Variants in RIMS1 observed in about 807,000 individuals in gnomAD.
RIMS1 encodes the protein regulating synaptic membrane exocytosis 1, also known as regulating synaptic membrane exocytosis protein 1.
A neutral mutation model predicts 214.1 loss-of-function variants in RIMS1; 83 were observed. That is an observed-to-expected ratio of 0.39 (90% CI 0.32 to 0.47). The LOEUF (loss-of-function observed/expected upper bound fraction) is 0.47, where lower values mean the gene tolerates loss of function less well. Among genes scored for constraint, RIMS1 ranks in the 20% least tolerant of loss-of-function variants. The pLI is 0.99. For missense variants in RIMS1, 2,050 were observed against 2,161.8 expected (o/e 0.95, Z 1.03); for synonymous variants, 793 against 786.8 (o/e 1.01, Z -0.13).
At chr6:72,015,287 A>G (rs192942049) in intron 2 of RIMS1, among the ~76,000 whole-genome samples, 77 of 152,334 alleles carry the variant, frequency 5.1e-4, no homozygotes, top group African/African-American at 1.8e-3. Flanking sequence ...GTTGGTGCTC[A>G]AAAAGTTTTT....
At chr6:72,126,152 T>A (rs2039466492) in intron 4 of RIMS1, among the ~76,000 whole-genome samples, 1 of 106,730 alleles carries the variant, frequency 9.4e-6, no homozygotes, top group African/African-American at 3.6e-5. Context: ...TAATAAAGCA[T>A]ACAAGAACAA....
chr6:71,890,570 TAAAAAAAAA>T (rs3076604), intron 1 of RIMS1, among the ~76,000 whole-genome samples: 2 of 81,528 alleles, frequency 2.5e-5, no homozygotes, highest in East Asian at 3.7e-4. Context: ...CTCCTTTTTG[TAAAAAAAAA>T]AAAAAAAAAA....
intron 2 of RIMS1, among the ~76,000 whole-genome samples, chr6:72,066,627 T>A (rs1829366996): frequency 6.6e-6 from 1 of 152,206 alleles, no homozygotes; most frequent in Admixed American, 6.5e-5. Flanking sequence ...ACTGAGATAA[T>A]AATAGTTTTT....
chr6:72,232,837 A>G (rs2062519590), intron 6 of RIMS1, among the ~76,000 whole-genome samples: 1 of 151,804 alleles, frequency 6.6e-6, no homozygotes, highest in Non-Finnish European at 1.5e-5. Context: ...TGTCATGTAC[A>G]TACAATTCTT....
At chr6:72,251,114 C>T (rs200917659) in intron 14 of RIMS1, 22 bp downstream of exon 14, 9 of 1,564,152 alleles carry the variant, frequency 5.8e-6, no homozygotes, top group Non-Finnish European at 7.8e-6. Context: ...TTTAAAAACT[C>T]AAGTCAAATA....
At chr6:71,971,965 C>A (rs1245342476) in intron 2 of RIMS1, among the ~76,000 whole-genome samples, 1 of 152,010 alleles carries the variant, frequency 6.6e-6, no homozygotes, top group Non-Finnish European at 1.5e-5. Flanking sequence ...GTTATCCAAG[C>A]ATATATATCT....
At chr6:72,096,283 A>G (rs2031643783) in intron 2 of RIMS1, among the ~76,000 whole-genome samples, 1 of 152,196 alleles carries the variant, frequency 6.6e-6, no homozygotes, top group South Asian at 2.1e-4. Context: ...TGTGAACTGC[A>G]AGAACTAGGA....
At chr6:72,243,368 T>C (rs1023878439) in intron 10 of RIMS1, among the ~76,000 whole-genome samples, 2 of 151,662 alleles carry the variant, frequency 1.3e-5, no homozygotes, top group African/African-American at 2.4e-5. Flanking sequence ...ATAATATTAA[T>C]ATATAAAACT....
chr6:72,265,826 T>A, intron 21 of RIMS1, 134 bp from the exon 22 acceptor site: 1 of 653,512 alleles, frequency 1.5e-6, no homozygotes, highest in Non-Finnish European at 2.6e-6. Context: ...CACACCCTTA[T>A]GAACTGAATC....
chr6:72,189,873 A>T (rs556188859), intron 6 of RIMS1, among the ~76,000 whole-genome samples: 1 of 152,302 alleles, frequency 6.6e-6, no homozygotes, highest in East Asian at 1.9e-4. Context: ...TTTTCTGTGG[A>T]GGTCACCTGT....
At chr6:72,078,956 T>C (rs1312577200) in intron 2 of RIMS1, among the ~76,000 whole-genome samples, 1 of 152,118 alleles carries the variant, frequency 6.6e-6, no homozygotes, top group African/African-American at 2.4e-5. Context: ...GGAAGTTAAC[T>C]TTATCACATC....
chr6:71,909,416 A>C (rs1287842923), intron 1 of RIMS1, among the ~76,000 whole-genome samples: 1 of 152,054 alleles, frequency 6.6e-6, no homozygotes, highest in Non-Finnish European at 1.5e-5. Flanking sequence ...ATGCATTTTG[A>C]CATATATGAA....
At chr6:72,312,218 GT>G (rs1405027968) in intron 27 of RIMS1, among the ~76,000 whole-genome samples, 2 of 151,924 alleles carry the variant, frequency 1.3e-5, no homozygotes. Context: ...TTTTCTACAG[GT>G]TTAATAAACA....
At chr6:72,033,459 G>A (rs185544752) in intron 2 of RIMS1, among the ~76,000 whole-genome samples, 1 of 152,148 alleles carries the variant, frequency 6.6e-6, no homozygotes, top group East Asian at 1.9e-4. Context: ...AAATTTCAGT[G>A]GTCATCTCTT....
At chr6:72,161,350 T>C (rs1477767013) in intron 4 of RIMS1, among the ~76,000 whole-genome samples, 1 of 140,412 alleles carries the variant, frequency 7.1e-6, no homozygotes, top group African/African-American at 2.5e-5. Context: ...CCTGGATTCA[T>C]TGATTTTTTT....
chr6:71,939,078 C>T (rs1281550273), intron 1 of RIMS1, among the ~76,000 whole-genome samples: 1 of 152,174 alleles, frequency 6.6e-6, no homozygotes, highest in East Asian at 1.9e-4. Flanking sequence ...CCTAATTTAT[C>T]TCTCTTAAAT....
chr6:72,233,109 T>A (rs1020529626), intron 6 of RIMS1, among the ~76,000 whole-genome samples: 3 of 151,890 alleles, frequency 2.0e-5, no homozygotes, highest in African/African-American at 7.2e-5. Context: ...TACTTTCCAT[T>A]GAAGTTTTTT....
chr6:71,997,104 T>A (rs115051323), intron 2 of RIMS1, among the ~76,000 whole-genome samples: 23 of 152,292 alleles, frequency 1.5e-4, no homozygotes, highest in African/African-American at 5.3e-4. Context: ...CTGCACAGAA[T>A]GTATAATATG....
intron 4 of RIMS1, among the ~76,000 whole-genome samples, chr6:72,171,265 TA>T (rs1273754323): frequency 1.3e-5 from 2 of 151,052 alleles, no homozygotes; most frequent in Non-Finnish European, 2.9e-5. Context: ...TAATGTAATA[TA>T]ATTCATATTG....
Sources: gnomAD v4.1 joint callset for allele counts (sites outside exome capture counted in the v4.1 genomes callset) on GRCh38, gnomAD v4.1.1 for gene constraint, MANE v1.5 for transcripts, NCBI Gene and HGNC (gene_info 2026-07-23, HGNC 2026-07-21) for gene names.